Variants in PCDHGB4 observed in about 807,000 individuals in gnomAD.
PCDHGB4 encodes the protein protocadherin gamma-B4.
In PCDHGB4, 38 loss-of-function variants were observed where a neutral mutation model predicts 60.5. The ratio of observed to expected loss-of-function variants is 0.63; its 90% CI spans 0.48 to 0.82. The LOEUF is 0.82. Ranked by LOEUF, PCDHGB4 falls within the 40% of genes least tolerant of loss-of-function variation. The pLI is 0.00. For synonymous variants in PCDHGB4, 456 were observed against 509.7 expected (o/e 0.89, Z 1.42); for missense variants, 1,109 against 1,209.6 (o/e 0.92, Z 1.23).
intron 1 of PCDHGB4, chr5:141,422,754 C>T: frequency 1.2e-6 from 2 of 1,612,450 alleles, no homozygotes; most frequent in Non-Finnish European, 1.7e-6. Flanking sequence ...TCTCTATTAA[C>T]TCCAACACTG....
intron 1 of PCDHGB4, chr5:141,404,321 T>C (rs764642673): frequency 1.2e-6 from 2 of 1,613,882 alleles, no homozygotes; most frequent in East Asian, 2.2e-5. Flanking sequence ...TCAAGCCTCC[T>C]ACTCAGTCTA....
Position 141,432,831 on chromosome 5 carries a change from T to C in PCDHGB4, c.2397+42550T>C. 1 of 1,614,206 alleles carries C rather than the reference T, an allele frequency of 6.2e-7. No individual in the cohort carries two copies. Among genetic ancestry groups the C allele is most frequent in the Non-Finnish European group, 8.5e-7 (1 of 1,180,006 alleles). ...AACTCTGAAACCTCAGACCTCACTC[T>C]GTACCTGGTGGTAGCGGTGGCCGCG... On this transcript the variant is annotated intron_variant, in intron 1 of 3. Coordinates refer to ENST00000519479, the MANE Select transcript of PCDHGB4 (RefSeq NM_003736.4). The surrounding 1 kb of genome is among the most constrained non-coding windows in gnomAD (Gnocchi z 6.0).
At position 141,431,823 on chromosome 5, in the gene PCDHGB4, CG is replaced by C. The variant is rs754257436; in HGVS notation, c.2397+41544del. ...GTGGTCCTCACCTCTCTCGCCAGCTCGGTTCCCGAAAACTCTCCCAGAGGGA... is the reference window on the plus strand; with the variant it reads ...GTGGTCCTCACCTCTCTCGCCAGCTCGTTCCCGAAAACTCTCCCAGAGGGA... On this transcript the variant is annotated intron_variant, in intron 1 of 3. Transcript: ENST00000519479. The surrounding 1 kb of genome is among the most constrained non-coding windows in gnomAD (Gnocchi z 4.8). 2.5e-6 allele frequency: 4 copies of C among 1,614,142 alleles called. No homozygotes were observed. In the East Asian group the frequency reaches 8.9e-5, roughly 36 times the overall value.
chr5:141,479,269 A>C (rs1279389471), intron 1 of PCDHGB4: 1 of 152,374 alleles, frequency 6.6e-6, no homozygotes, highest in Non-Finnish European at 1.5e-5. Context: ...TAAAAGTAAT[A>C]ATTTATTTCA....
At chr5:141,422,898 C>CTCTG (rs747261683) in intron 1 of PCDHGB4, 4 of 1,614,250 alleles carry the variant, frequency 2.5e-6, no homozygotes, top group Non-Finnish European at 3.4e-6. Flanking sequence ...TGGACCAGAA[C>CTCTG]GACAATGCGC....
At position 141,463,796 on chromosome 5, in the gene PCDHGB4, G is replaced by A. The variant is rs139760353; in HGVS notation, c.2398-31011G>A. ...ATCCTGCACTGTCTTTTGAACAAAT[G>A]TCTAAAAGCTTTTATCACACATTTT... On this transcript the variant is annotated intron_variant, in intron 1 of 3. Coordinates refer to ENST00000519479, the MANE Select transcript of PCDHGB4 (RefSeq NM_003736.4). Among the ~76,000 whole-genome samples, 155 of 152,232 alleles carry A rather than the reference G, an allele frequency of 1.0e-3. 1 individual carries two copies. The highest frequency in any genetic ancestry group is 3.4e-3 in the African/African-American group (140 of 41,538).
chr5:141,434,564 A>C (rs2097703207), intron 1 of PCDHGB4, among the ~76,000 whole-genome samples: 1 of 152,228 alleles, frequency 6.6e-6, no homozygotes, highest in Admixed American at 6.5e-5. Context: ...CCTTAAGGAC[A>C]TGCCCCTGCT....
At chr5:141,439,500 TTCTC>T (rs1399113868) in intron 1 of PCDHGB4, among the ~76,000 whole-genome samples, 9 of 152,246 alleles carry the variant, frequency 5.9e-5, no homozygotes, top group Admixed American at 2.0e-4. Context: ...AGAAACGTCT[TTCTC>T]TCTGCTCTCA....
rs199537783 is a variant in PCDHGB4 at position 141,389,536 on chromosome 5, A to G, written c.1652A>G (p.Asp551Gly). 177 of 1,613,198 alleles carry G rather than the reference A, an allele frequency of 1.1e-4. No individual in the cohort carries two copies. Among genetic ancestry groups the G allele is most frequent in the Middle Eastern group, 9.9e-4 (6 of 6,036 alleles). Residue 551 changes from aspartate (D) to glycine (G), a missense_variant, in exon 1 of 4, where the codon GAC becomes GGC. Physicochemically the swap from Asp to Gly is moderately conservative, Grantham distance 94. Coordinates refer to ENST00000519479, the MANE Select transcript of PCDHGB4 (RefSeq NM_003736.4). ...SANVSLRVLV[D>G]DRNDNAPRVL... ...AACGTGAGCCTGCGCGTGTTAGTGG[A>G]CGACCGCAACGACAATGCGCCACGG...
At position 141,413,202 on chromosome 5, in the gene PCDHGB4, GGAATC is replaced by G. The variant is rs766359797; in HGVS notation, c.2397+22922_2397+22926del. 6.8e-6 allele frequency: 11 copies of G among 1,611,944 alleles called. No homozygotes were observed. The East Asian group carries it at 2.2e-4, about 33-fold the overall frequency. On this transcript the variant is annotated intron_variant, in intron 1 of 3. Coordinates refer to ENST00000519479, the MANE Select transcript of PCDHGB4 (RefSeq NM_003736.4). ...TGGCCGCTCAAAGGAATCGCTCAAAGGAATCAAAGGATTGCAGCGGGCTGGTCCTG... is the reference window on the plus strand; with the variant it reads ...TGGCCGCTCAAAGGAATCGCTCAAAGAAAGGATTGCAGCGGGCTGGTCCTG...
intron 1 of PCDHGB4, among the ~76,000 whole-genome samples, chr5:141,459,660 T>C (rs73280323): frequency 7.9e-4 from 120 of 152,386 alleles, no homozygotes; most frequent in African/African-American, 2.7e-3. Flanking sequence ...AATATCACTT[T>C]ACATTTTCAT....
chr5:141,456,383 T>G (rs1372337704), intron 1 of PCDHGB4, among the ~76,000 whole-genome samples: 4 of 152,130 alleles, frequency 2.6e-5, no homozygotes, highest in Admixed American at 2.6e-4. Flanking sequence ...ACAGCACCGT[T>G]TGGAGTTTGA....
chr5:141,500,175 CA>C (rs762724660), intron 2 of PCDHGB4, among the ~76,000 whole-genome samples: 15 of 147,258 alleles, frequency 1.0e-4, no homozygotes, highest in Non-Finnish European at 1.5e-4. Flanking sequence ...GCATGAGCTT[CA>C]TTTTTATTTT....
At chr5:141,414,287 C>A (rs374229359) in intron 1 of PCDHGB4, 4 of 1,613,316 alleles carry the variant, frequency 2.5e-6, no homozygotes, top group Non-Finnish European at 3.4e-6. Flanking sequence ...ACAGTCGTAG[C>A]CCTTTTAAAT....
chr5:141,424,100 G>A (rs1362239131), intron 1 of PCDHGB4: 1 of 832,456 alleles, frequency 1.2e-6, no homozygotes, highest in East Asian at 1.2e-4. Flanking sequence ...TGCTATTACT[G>A]CTAATGTTCA....
chr5:141,413,477 C>A, intron 1 of PCDHGB4: 1 of 1,614,100 alleles, frequency 6.2e-7, no homozygotes, highest in Non-Finnish European at 8.5e-7. Flanking sequence ...GAGCTCTGCG[C>A]TCAGAGCGCG....
chr5:141,426,238 T>C, intron 1 of PCDHGB4: 1 of 158,644 alleles, frequency 6.3e-6, no homozygotes, highest in Admixed American at 5.9e-5. Context: ...AAGCACTTTG[T>C]GAAACATTTT....
chr5:141,404,879 G>A (rs770577946), intron 1 of PCDHGB4: 4 of 1,613,906 alleles, frequency 2.5e-6, no homozygotes, highest in Middle Eastern at 1.6e-4. Flanking sequence ...ACAGAGCCTT[G>A]TGGTGGCTGT....
intron 1 of PCDHGB4, chr5:141,404,341 AAAC>A (rs769977252): frequency 6.2e-7 from 1 of 1,613,966 alleles, no homozygotes; most frequent in Non-Finnish European, 8.5e-7. Flanking sequence ...ACCTCCCGGA[AAAC>A]AACGCCAGAG....
Sources: allele counts gnomAD v4.1 joint callset (sites outside exome capture counted in the v4.1 genomes callset), GRCh38; gene constraint gnomAD v4.1.1; non-coding constraint Gnocchi (gnomAD v3.1); transcripts MANE v1.5; gene names NCBI Gene and HGNC (gene_info 2026-07-23, HGNC 2026-07-21).